Variants in PLCXD3 observed in about 807,000 individuals in gnomAD.
The protein encoded by PLCXD3 is phosphatidylinositol specific phospholipase C X domain containing 3.
PLCXD3 carries 19 observed loss-of-function variants against 25.5 expected under a neutral mutation model. The ratio of observed to expected loss-of-function variants is 0.75; its 90% CI spans 0.52 to 1.09. The LOEUF (loss-of-function observed/expected upper bound fraction) is 1.09, where lower values mean the gene tolerates loss of function less well. Ranked by LOEUF, PLCXD3 falls within the 50% of genes least tolerant of loss-of-function variation. The pLI, the probability that PLCXD3 is intolerant of heterozygous loss-of-function variation, is 0.00. For missense variants in PLCXD3, 411 were observed against 388.1 expected (o/e 1.06, Z -0.50); for synonymous variants, 174 against 137.6 (o/e 1.26, Z -1.85).
At chr5:41,443,942 A>T (rs1478841407) in intron 1 of PLCXD3, among the ~76,000 whole-genome samples, 1 of 152,048 alleles carries the variant, frequency 6.6e-6, no homozygotes, top group African/African-American at 2.4e-5. Flanking sequence ...AGCTATTTTG[A>T]TGGTAAATGT....
chr5:41,335,284 T>C (rs536341172), intron 2 of PLCXD3, among the ~76,000 whole-genome samples: 15 of 152,328 alleles, frequency 9.8e-5, no homozygotes, highest in African/African-American at 3.6e-4. Context: ...CTGATTTTGC[T>C]TGGAGCAAAT....
intron 1 of PLCXD3, among the ~76,000 whole-genome samples, chr5:41,402,704 C>A (rs1746222149): frequency 6.6e-6 from 1 of 151,896 alleles, no homozygotes. Context: ...TCTGTTCCAT[C>A]ACTTTTTGCT....
intron 1 of PLCXD3, among the ~76,000 whole-genome samples, chr5:41,424,404 G>A (rs1402837123): frequency 6.6e-6 from 1 of 152,122 alleles, no homozygotes; most frequent in Non-Finnish European, 1.5e-5. Context: ...GCCGGGTGTG[G>A]TGGTGCATGC....
At chr5:41,506,030 T>C (rs1039714222) in intron 1 of PLCXD3, among the ~76,000 whole-genome samples, 1 of 152,238 alleles carries the variant, frequency 6.6e-6, no homozygotes, top group African/African-American at 2.4e-5. Context: ...TAAATGTGTA[T>C]ATAAATCATC....
At chr5:41,391,691 G>T (rs773551433) in intron 1 of PLCXD3, among the ~76,000 whole-genome samples, 3 of 152,174 alleles carry the variant, frequency 2.0e-5, no homozygotes, top group Non-Finnish European at 2.9e-5. Context: ...AGGGGATTTT[G>T]TCTTGCACCT....
intron 1 of PLCXD3, among the ~76,000 whole-genome samples, chr5:41,406,561 C>T (rs1746356289): frequency 6.6e-6 from 1 of 152,148 alleles, no homozygotes; most frequent in Non-Finnish European, 1.5e-5. Flanking sequence ...CTCAATCAGT[C>T]TTGAAGTTGT....
chr5:41,440,215 A>ATTTTTTTTTTTTTTTTTTTTTTT lies in PLCXD3; in HGVS notation c.104-57704_104-57682dup, dbSNP rs70988846. Among the ~76,000 whole-genome samples the ATTTTTTTTTTTTTTTTTTTTTTT allele has an allele frequency of 3.4e-4, 14 of 41,080 alleles. 1 individual carries two copies. The highest frequency in any genetic ancestry group is 6.2e-4 in the African/African-American group (6 of 9,610). The allele number at this position is 41,080 out of a possible 152,430, so 27.0% of individuals were successfully genotyped here. ...TCTGAGCAAATTACATAATCTCTCAATTTTTTTTTTTTTTTTTTTTTTTTT... is the reference window on the plus strand; with the variant it reads ...TCTGAGCAAATTACATAATCTCTCAATTTTTTTTTTTTTTTTTTTTTTTTTTTTTTTTTTTTTTTTTTTTTTTT... On this transcript the variant is annotated intron_variant, in intron 1 of 2. Transcript: ENST00000377801.
chr5:41,414,924 C>T (rs1364418234), intron 1 of PLCXD3, among the ~76,000 whole-genome samples: 1 of 152,118 alleles, frequency 6.6e-6, no homozygotes, highest in African/African-American at 2.4e-5. Flanking sequence ...CGATAATGGC[C>T]TGAAAGCTCA....
intron 1 of PLCXD3, among the ~76,000 whole-genome samples, chr5:41,430,779 A>G (rs1747080407): frequency 6.6e-6 from 1 of 152,192 alleles, no homozygotes; most frequent in Admixed American, 6.5e-5. Flanking sequence ...TTTTGGGGGA[A>G]ATAAAACTTT....
intron 1 of PLCXD3, among the ~76,000 whole-genome samples, chr5:41,463,861 G>A (rs1747949592): frequency 6.6e-6 from 1 of 151,088 alleles, no homozygotes; most frequent in Admixed American, 6.6e-5. Flanking sequence ...TCACTTTCAG[G>A]GCTACCTTTC....
intron 2 of PLCXD3, among the ~76,000 whole-genome samples, chr5:41,354,496 A>G (rs749461892): frequency 3.3e-5 from 5 of 151,658 alleles, no homozygotes; most frequent in Non-Finnish European, 7.4e-5. Context: ...TTTAGATTCT[A>G]CCTCACTAAC....
At chr5:41,493,033 ACT>A (rs1748740690) in intron 1 of PLCXD3, among the ~76,000 whole-genome samples, 1 of 151,506 alleles carries the variant, frequency 6.6e-6, no homozygotes, top group South Asian at 2.1e-4. Flanking sequence ...CAGTTTTTCT[ACT>A]CTGTTTTTTT....
chr5:41,371,541 C>G (rs539374207), intron 2 of PLCXD3, among the ~76,000 whole-genome samples: 3 of 152,258 alleles, frequency 2.0e-5, no homozygotes, highest in Non-Finnish European at 4.4e-5. Flanking sequence ...CTACAGCAAA[C>G]CCCTGCTTCC....
At chr5:41,441,280 C>T (rs984481768) in intron 1 of PLCXD3, among the ~76,000 whole-genome samples, 2 of 152,158 alleles carry the variant, frequency 1.3e-5, no homozygotes, top group South Asian at 4.1e-4. Flanking sequence ...AAAAGAATTT[C>T]TTTAGAAGAC....
chr5:41,315,187 C>T (rs995637526), intron 2 of PLCXD3, among the ~76,000 whole-genome samples: 1 of 152,110 alleles, frequency 6.6e-6, no homozygotes, highest in South Asian at 2.1e-4. Flanking sequence ...ACTACTATAA[C>T]TTGGTCAGGG....
intron 2 of PLCXD3, among the ~76,000 whole-genome samples, chr5:41,340,243 A>G (rs1744100991): frequency 6.6e-6 from 1 of 152,120 alleles, no homozygotes; most frequent in African/African-American, 2.4e-5. Context: ...TCTACACTGA[A>G]TTTTGCAACT....
chr5:41,312,434 A>G lies in PLCXD3; in HGVS notation c.*1183T>C, dbSNP rs1743155529. 6.6e-6 allele frequency: 1 copy of G among 152,184 alleles called. No individual in the cohort carries two copies. Among genetic ancestry groups the G allele is most frequent in the African/African-American group, 2.4e-5 (1 of 41,454 alleles). 9.4% of individuals were successfully genotyped at this position (152,184 alleles called of 1,614,324 possible). On this transcript the variant is annotated 3_prime_UTR_variant, in exon 3 of 3. Coordinates refer to ENST00000377801, the MANE Select transcript of PLCXD3 (RefSeq NM_001005473.3). Reference sequence around the variant, plus strand: ...CCTTCCTCTTTCTTTCCTTCAAGTCAAAAACTTGCAGTTTCTTGAAAAATC... The same window carrying G: ...CCTTCCTCTTTCTTTCCTTCAAGTCGAAAACTTGCAGTTTCTTGAAAAATC...
At chr5:41,326,400 A>G (rs1454614182) in intron 2 of PLCXD3, among the ~76,000 whole-genome samples, 2 of 152,106 alleles carry the variant, frequency 1.3e-5, no homozygotes, top group Non-Finnish European at 2.9e-5. Context: ...GAACAACTAC[A>G]AATTCATCTC....
chr5:41,405,387 T>C (rs536809775), intron 1 of PLCXD3, among the ~76,000 whole-genome samples: 2 of 152,148 alleles, frequency 1.3e-5, no homozygotes, highest in Non-Finnish European at 2.9e-5. Context: ...CTTTTACCCA[T>C]AGTTGTCTTT....
Sources: gnomAD v4.1 joint callset for allele counts (sites outside exome capture counted in the v4.1 genomes callset) on GRCh38, gnomAD v4.1.1 for gene constraint, MANE v1.5 for transcripts, NCBI Gene and HGNC (gene_info 2026-07-23, HGNC 2026-07-21) for gene names.